Variants in LY6G5C observed in about 807,000 individuals in gnomAD.
The protein encoded by LY6G5C is lymphocyte antigen 6 family member G5C.
LY6G5C carries 6 observed loss-of-function variants against 10.5 expected under a neutral mutation model. The observed-to-expected ratio is 0.57, with a 90% CI of 0.31 to 1.12. LY6G5C has a LOEUF of 1.12. LY6G5C is among the 50% of genes most tolerant of loss of function. LY6G5C has a pLI of 0.05. For missense variants in LY6G5C, 160 were observed against 185.5 expected (o/e 0.86, Z 0.80); for synonymous variants, 69 against 67.8 (o/e 1.02, Z -0.09).
At chr6:31,677,253 C>T (rs1802634458) in intron 2 of LY6G5C, 133 bp from the exon 3 acceptor site, 2 of 854,092 alleles carry the variant, frequency 2.3e-6, no homozygotes, top group Non-Finnish European at 3.5e-6. Context: ...GGTGGACATG[C>T]CCAGTGTTCA....
rs1802740361 is a variant in LY6G5C at position 31,679,118 on chromosome 6, G to C, written c.272C>G (p.Thr91Ser). The C allele has an allele frequency of 2.5e-6, 4 of 1,613,006 alleles. No homozygotes were observed. The East Asian group carries it at 8.9e-5, about 36-fold the overall frequency. ...CCACTTACTGTTCTTTTTGTGGAGA[G>C]TGATGCAGCTGCTGCCAGCTGGGGT... is the stretch of plus-strand genomic sequence containing the variant. The change falls in exon 2 of 3, where the codon ACT becomes AGT. Residue 91 changes from threonine (T) to serine (S), a missense_variant. By Grantham distance (58) the Thr-to-Ser change is moderately conservative. Transcript: ENST00000383237. This position sits in a 1 kb window ranked among gnomAD's most constrained non-coding sequence, Gnocchi z 4.4.
At position 31,679,771 on chromosome 6, in the gene LY6G5C, G is replaced by A; in HGVS notation, c.121+482C>T. The A allele has an allele frequency of 5.3e-6, 1 of 189,448 alleles. No homozygotes were observed. Among genetic ancestry groups the A allele is most frequent in the Non-Finnish European group, 1.1e-5 (1 of 89,370 alleles). 11.7% of individuals were successfully genotyped at this position (189,448 alleles called of 1,614,324 possible). On this transcript the variant is annotated intron_variant, in intron 1 of 2. Transcript: ENST00000383237. This position sits in a 1 kb window ranked among gnomAD's most constrained non-coding sequence, Gnocchi z 4.4. ...CACTAGAAATCTCCTTCAGAGGCTG[G>A]GTGCGGTGGCTCACGCCTGTAATCC...
rs552650341 is a variant in LY6G5C at position 31,680,088 on chromosome 6, G to A, written c.121+165C>T. 19 of 676,418 alleles carry A rather than the reference G, an allele frequency of 2.8e-5. No individual in the cohort carries two copies. The South Asian group carries it at 3.5e-4, about 12-fold the overall frequency. 41.9% of individuals were successfully genotyped at this position (676,418 alleles called of 1,614,324 possible). A position where few individuals can be genotyped will look rare whatever the true frequency, so the allele number is the denominator to read the frequency against. On this transcript the variant is annotated intron_variant, in intron 1 of 2. Coordinates refer to ENST00000383237, the Ensembl canonical transcript of LY6G5C. This position sits in a 1 kb window ranked among gnomAD's most constrained non-coding sequence, Gnocchi z 4.5. ...ATAAATTTTTAAAAATCTTCAGATT[G>A]CACATCAGTCCATGAGCAGGCATTC... is the stretch of plus-strand genomic sequence containing the variant.
At chr6:31,678,289 T>C (rs1802690246) in intron 2 of LY6G5C, among the ~76,000 whole-genome samples, 1 of 152,110 alleles carries the variant, frequency 6.6e-6, no homozygotes, top group African/African-American at 2.4e-5. Flanking sequence ...GTCAACGGGA[T>C]ATGAGGAGAG....
At chr6:31,676,983 G>C in exon 3 of LY6G5C, 1 of 1,613,082 alleles carries the variant, frequency 6.2e-7, no homozygotes, top group Non-Finnish European at 8.5e-7. Flanking sequence ...CCTCTGTTTT[G>C]AGGGTCATTG....
chr6:31,679,150 G>A lies in LY6G5C; in HGVS notation c.240C>T (p.Ile80=), dbSNP rs1014256367. Residue 80 remains isoleucine (I), a synonymous_variant, in exon 2 of 3, where the codon ATC becomes ATT. Coordinates refer to ENST00000383237, the Ensembl canonical transcript of LY6G5C. The surrounding 1 kb of genome is among the most constrained non-coding windows in gnomAD (Gnocchi z 4.4). Reference sequence around the variant, plus strand: ...AGCTGCTGCCAGCTGGGGTGAGGCAGATGTCAGATCCCAGAAGGCACCCTA... The same window carrying A: ...AGCTGCTGCCAGCTGGGGTGAGGCAAATGTCAGATCCCAGAAGGCACCCTA... 6.2e-6 allele frequency: 10 copies of A among 1,613,036 alleles called. No individual in the cohort carries two copies. Among genetic ancestry groups the A allele is most frequent in the Non-Finnish European group, 8.5e-6 (10 of 1,180,018 alleles).
rs754535246 is a variant in LY6G5C at position 31,680,158 on chromosome 6, C to T, written c.121+95G>A. The T allele has an allele frequency of 4.6e-6, 7 of 1,506,614 alleles. No homozygotes were observed. Among genetic ancestry groups the T allele is most frequent in the African/African-American group, 1.4e-5 (1 of 72,880 alleles). The allele number at this position is 1,506,614 out of a possible 1,614,324, so 93.3% of individuals were successfully genotyped here. A position where few individuals can be genotyped will look rare whatever the true frequency, so the allele number is the denominator to read the frequency against. On this transcript the variant is annotated intron_variant, in intron 1 of 2. Coordinates refer to ENST00000383237, the Ensembl canonical transcript of LY6G5C. The surrounding 1 kb of genome is among the most constrained non-coding windows in gnomAD (Gnocchi z 4.5). ...CCATCTCTCCTCCTGCATGGGTTTA[C>T]CTGAGCATCCTGGACAGGTGTACCC...
upstream of LY6G5C, among the ~76,000 whole-genome samples, chr6:31,680,662 C>G (rs1312566724): frequency 6.6e-6 from 1 of 152,250 alleles, no homozygotes; most frequent in Non-Finnish European, 1.5e-5. This position sits in a 1 kb window ranked among gnomAD's most constrained non-coding sequence, Gnocchi z 4.5. Flanking sequence ...TCCACCCTCA[C>G]AGGGCACAGT....
chr6:31,677,174 A>G, intron 2 of LY6G5C, 54 bp from the exon 3 acceptor site: 1 of 1,561,890 alleles, frequency 6.4e-7, no homozygotes, highest in South Asian at 1.1e-5. Context: ...AAGAGCCCCA[A>G]ATCCTCTCAT....
At chr6:31,680,700 A>G (rs1051197863), upstream of LY6G5C, among the ~76,000 whole-genome samples, 3 of 152,204 alleles carry the variant, frequency 2.0e-5, no homozygotes, top group African/African-American at 7.2e-5. The surrounding 1 kb of genome is among the most constrained non-coding windows in gnomAD (Gnocchi z 4.5). Flanking sequence ...TCCACCAGCA[A>G]TGATGTGGGG....
Position 31,679,740 on chromosome 6 carries a change from G to A in LY6G5C, c.122-472C>T. ...CTGCTGTGAAGTGAGACAGCCCTGG[G>A]GTGGTCACTAGAAATCTCCTTCAGA... On this transcript the variant is annotated intron_variant, in intron 1 of 2. Transcript: ENST00000383237. This position sits in a 1 kb window ranked among gnomAD's most constrained non-coding sequence, Gnocchi z 4.4. 1 of 201,252 alleles carries A rather than the reference G, an allele frequency of 5.0e-6. No homozygotes were observed. Among genetic ancestry groups the A allele is most frequent in the Non-Finnish European group, 1.0e-5 (1 of 96,774 alleles). 12.5% of individuals were successfully genotyped at this position (201,252 alleles called of 1,614,324 possible). A position where few individuals can be genotyped will look rare whatever the true frequency, so the allele number is the denominator to read the frequency against.
chr6:31,677,039 A>T, exon 3 of LY6G5C: 1 of 1,612,978 alleles, frequency 6.2e-7, no homozygotes, highest in South Asian at 1.1e-5. Context: ...GAAGCCAGAC[A>T]CCGGAGAAGT....
At position 31,680,108 on chromosome 6, in the gene LY6G5C, G is replaced by A. The variant is rs910964708; in HGVS notation, c.121+145C>T. On this transcript the variant is annotated intron_variant, in intron 1 of 2. Transcript: ENST00000383237. The surrounding 1 kb of genome is among the most constrained non-coding windows in gnomAD (Gnocchi z 4.5). Reference sequence around the variant, plus strand: ...AGATTGCACATCAGTCCATGAGCAGGCATTCCCTACCAAACCCATCTGTCC... The same window carrying A: ...AGATTGCACATCAGTCCATGAGCAGACATTCCCTACCAAACCCATCTGTCC... 6.0e-6 allele frequency: 5 copies of A among 839,502 alleles called. No homozygotes were observed. Among genetic ancestry groups the A allele is most frequent in the African/African-American group, 1.7e-5 (1 of 59,414 alleles). 52.0% of individuals were successfully genotyped at this position (839,502 alleles called of 1,614,324 possible).
At chr6:31,677,052 G>T (rs1299294094) in exon 3 of LY6G5C, 2 of 1,612,940 alleles carry the variant, frequency 1.2e-6, no homozygotes, top group Admixed American at 3.3e-5. Context: ...GGAGAAGTTC[G>T]GGTATTTGAA....
Position 31,680,161 on chromosome 6 carries a change from G to A in LY6G5C, c.121+92C>T, listed in dbSNP as rs568401366. On this transcript the variant is annotated intron_variant, in intron 1 of 2. Coordinates refer to ENST00000383237, the Ensembl canonical transcript of LY6G5C. The surrounding 1 kb of genome is among the most constrained non-coding windows in gnomAD (Gnocchi z 4.5). ...TCTCTCCTCCTGCATGGGTTTACCT[G>A]AGCATCCTGGACAGGTGTACCCAGA... The A allele has an allele frequency of 1.4e-5, 22 of 1,522,162 alleles. No individual in the cohort carries two copies. The South Asian group carries it at 2.2e-4, about 15-fold the overall frequency. The allele number at this position is 1,522,162 out of a possible 1,614,324, so 94.3% of individuals were successfully genotyped here.
upstream of LY6G5C, chr6:31,680,522 A>G (rs1427967367): frequency 1.2e-5 from 10 of 825,310 alleles, no homozygotes; most frequent in East Asian, 5.4e-5. This position sits in a 1 kb window ranked among gnomAD's most constrained non-coding sequence, Gnocchi z 4.5. Flanking sequence ...ACTCTGGGGC[A>G]TAACATCCTG....
At chr6:31,680,428 A>C, upstream of LY6G5C, 2 of 1,559,946 alleles carry the variant, frequency 1.3e-6, no homozygotes, top group South Asian at 2.4e-5. The surrounding 1 kb of genome is among the most constrained non-coding windows in gnomAD (Gnocchi z 4.5). Flanking sequence ...AGGTTGGCCA[A>C]GAGGAAGGAG....
At position 31,680,149 on chromosome 6, in the gene LY6G5C, A is replaced by G. The variant is rs753461126; in HGVS notation, c.121+104T>C. ...CCATCTGTCCCATCTCTCCTCCTGC[A>G]TGGGTTTACCTGAGCATCCTGGACA... On this transcript the variant is annotated intron_variant, in intron 1 of 2. Transcript: ENST00000383237. The surrounding 1 kb of genome is among the most constrained non-coding windows in gnomAD (Gnocchi z 4.5). 6 of 1,398,244 alleles carry G rather than the reference A, an allele frequency of 4.3e-6. No homozygotes were observed. In the Admixed American group the frequency reaches 7.3e-5, roughly 17 times the overall value. 86.6% of individuals were successfully genotyped at this position (1,398,244 alleles called of 1,614,324 possible). A position where few individuals can be genotyped will look rare whatever the true frequency, so the allele number is the denominator to read the frequency against.
At position 31,678,536 on chromosome 6, in the gene LY6G5C, G is replaced by A. The variant is rs141000589; in HGVS notation, c.289+565C>T. On this transcript the variant is annotated intron_variant, in intron 2 of 2. Coordinates refer to ENST00000383237, the Ensembl canonical transcript of LY6G5C. ...ACCAGCAGTAACTGCAGACAGATGC[G>A]GAAGCAGACAGCTTGAGGACAGGCA... is the stretch of plus-strand genomic sequence containing the variant. 5.1e-3 allele frequency among the ~76,000 whole-genome samples: 780 copies of A among 152,314 alleles called. 30 individuals carry two copies. In the South Asian group the frequency reaches 0.088, roughly 17 times the overall value.
Sources: allele counts gnomAD v4.1 joint callset (sites outside exome capture counted in the v4.1 genomes callset), GRCh38; gene constraint gnomAD v4.1.1; non-coding constraint Gnocchi (gnomAD v3.1); transcripts MANE v1.5; gene names NCBI Gene and HGNC (gene_info 2026-07-23, HGNC 2026-07-21).